The following TMEM108 variants were observed in gnomAD, a reference collection of about 807,000 sequenced individuals.
TMEM108 encodes the protein cancer/testis antigen 124.
In TMEM108, 12 loss-of-function variants were observed where a neutral mutation model predicts 35.1. That is an observed-to-expected ratio of 0.34 (90% CI 0.22 to 0.55). The LOEUF (loss-of-function observed/expected upper bound fraction) is 0.55. Ranked by LOEUF, TMEM108 falls within the 20% of genes least tolerant of loss-of-function variation. The pLI is 0.89. For missense variants in TMEM108, 680 were observed against 753.3 expected, an observed-to-expected ratio of 0.90 and a Z score of 1.14; for synonymous variants, 287 against 308.6, an observed-to-expected ratio of 0.93 and a Z score of 0.73.
chr3:133,231,820 T>C (rs1313246505), intron 3 of TMEM108, among the ~76,000 whole-genome samples: 1 of 152,208 alleles, frequency 6.6e-6, no homozygotes, highest in East Asian at 1.9e-4. Context: ...TATACCCTCC[T>C]TTGTGCCTAC....
At chr3:133,194,953 G>A (rs1379747511) in intron 2 of TMEM108, among the ~76,000 whole-genome samples, 1 of 152,160 alleles carries the variant, frequency 6.6e-6, no homozygotes, top group Non-Finnish European at 1.5e-5. Context: ...AAGGACAATA[G>A]ATGACAGATG....
chr3:133,183,559 A>AT (rs1447691843), intron 2 of TMEM108, among the ~76,000 whole-genome samples: 1 of 152,158 alleles, frequency 6.6e-6, no homozygotes, highest in East Asian at 1.9e-4. Context: ...GTAAGGATGG[A>AT]GAGGAAAGAG....
intron 3 of TMEM108, among the ~76,000 whole-genome samples, chr3:133,291,501 C>T (rs1947068409): frequency 6.6e-6 from 1 of 152,080 alleles, no homozygotes; most frequent in African/African-American, 2.4e-5. Context: ...TGGTCTCAAA[C>T]TCCTGGGCTC....
chr3:133,316,925 G>A (rs1406567231), intron 3 of TMEM108, among the ~76,000 whole-genome samples: 1 of 152,218 alleles, frequency 6.6e-6, no homozygotes, highest in African/African-American at 2.4e-5. Flanking sequence ...ATAGAGCCCA[G>A]GGAAGTCAAA....
At chr3:133,040,156 A>T (rs1242173559) in intron 1 of TMEM108, among the ~76,000 whole-genome samples, 1 of 151,440 alleles carries the variant, frequency 6.6e-6, no homozygotes, top group Non-Finnish European at 1.5e-5. Flanking sequence ...AAACCAAATT[A>T]GTGGGAATAA....
chr3:133,204,351 T>G (rs1354512312), intron 2 of TMEM108, among the ~76,000 whole-genome samples: 1 of 152,172 alleles, frequency 6.6e-6, no homozygotes, highest in Non-Finnish European at 1.5e-5. Context: ...ATCTTTTGGA[T>G]TTGTTTGCTG....
intron 3 of TMEM108, among the ~76,000 whole-genome samples, chr3:133,353,151 G>A (rs138025529): frequency 1.3e-5 from 2 of 152,324 alleles, no homozygotes; most frequent in East Asian, 3.9e-4. Context: ...AGAAGCCAGC[G>A]TGATTTTTGA....
intron 3 of TMEM108, among the ~76,000 whole-genome samples, chr3:133,329,827 A>G (rs1390134229): frequency 6.6e-6 from 1 of 152,168 alleles, no homozygotes; most frequent in African/African-American, 2.4e-5. Context: ...CTGAGTAAAC[A>G]TGTTTCTAGG....
At chr3:133,147,028 C>G (rs1234669367) in intron 2 of TMEM108, among the ~76,000 whole-genome samples, 1 of 152,060 alleles carries the variant, frequency 6.6e-6, no homozygotes, top group African/African-American at 2.4e-5. Context: ...GCTCTTGCTT[C>G]TCTAGTTCTT....
chr3:133,195,895 A>C (rs1945568939), intron 2 of TMEM108, among the ~76,000 whole-genome samples: 1 of 152,174 alleles, frequency 6.6e-6, no homozygotes, highest in Non-Finnish European at 1.5e-5. Context: ...TCTTCTCTTT[A>C]CCAATGTTTC....
chr3:133,227,831 G>T (rs1946096202), intron 2 of TMEM108, among the ~76,000 whole-genome samples: 1 of 152,046 alleles, frequency 6.6e-6, no homozygotes, highest in Admixed American at 6.5e-5. Context: ...AGTGGTGGAG[G>T]TTGCAGTGAG....
At chr3:133,125,621 A>C (rs1249077930) in intron 2 of TMEM108, among the ~76,000 whole-genome samples, 7 of 152,218 alleles carry the variant, frequency 4.6e-5, no homozygotes, top group Non-Finnish European at 1.0e-4. Flanking sequence ...ATTATCAGTC[A>C]GTCAATATTG....
chr3:133,342,645 GAAGT>G (rs1385303092), intron 3 of TMEM108, among the ~76,000 whole-genome samples: 3 of 147,552 alleles, frequency 2.0e-5, no homozygotes, highest in Non-Finnish European at 3.0e-5. Flanking sequence ...TATGTAAAGT[GAAGT>G]AAGTAAGGCA....
At chr3:133,340,828 T>A (rs1210924727) in intron 3 of TMEM108, among the ~76,000 whole-genome samples, 2 of 151,840 alleles carry the variant, frequency 1.3e-5, no homozygotes, top group African/African-American at 4.8e-5. Flanking sequence ...TATGATCATT[T>A]CAAATGATGC....
intron 2 of TMEM108, among the ~76,000 whole-genome samples, chr3:133,053,497 C>T (rs955334076): frequency 6.6e-6 from 1 of 152,248 alleles, no homozygotes; most frequent in African/African-American, 2.4e-5. Context: ...TTTTAGACAT[C>T]TTGCCAAGGG....
intron 2 of TMEM108, among the ~76,000 whole-genome samples, chr3:133,086,125 G>A (rs779112743): frequency 1.3e-5 from 2 of 152,152 alleles, no homozygotes; most frequent in Non-Finnish European, 2.9e-5. Flanking sequence ...TGGTGAAAGG[G>A]ATGGCATCCC....
chr3:133,123,420 C>T (rs78356045), intron 2 of TMEM108, among the ~76,000 whole-genome samples: 23 of 152,312 alleles, frequency 1.5e-4, no homozygotes, highest in Non-Finnish European at 2.9e-4. Context: ...AAATTGTCCT[C>T]CAAAATGGCT....
rs116889363 is a variant in TMEM108 at position 133,169,688 on chromosome 3, T to G, written c.-46-59578T>G. ...ACAAAATGTGTACCCCAGTTGAAAA[T>G]TACCACTGTAGCCTTCCCTCCATCT... is the stretch of plus-strand genomic sequence containing the variant. On this transcript the variant is annotated intron_variant, in intron 2 of 5. Transcript: ENST00000321871. 1.5e-3 allele frequency among the ~76,000 whole-genome samples: 235 copies of G among 152,312 alleles called. 3 individuals carry two copies. The East Asian group carries it at 0.027, about 17-fold the overall frequency.
chr3:133,070,150 A>T (rs1382543876), intron 2 of TMEM108, among the ~76,000 whole-genome samples: 1 of 152,114 alleles, frequency 6.6e-6, no homozygotes, highest in Non-Finnish European at 1.5e-5. Flanking sequence ...TATAATAACA[A>T]TCCTGGGTCA....
Sources: gnomAD v4.1 joint callset for allele counts (sites outside exome capture counted in the v4.1 genomes callset) on GRCh38, gnomAD v4.1.1 for gene constraint, MANE v1.5 for transcripts, NCBI Gene and HGNC (gene_info 2026-07-23, HGNC 2026-07-21) for gene names.